SDK1: variants seen among roughly 807,000 people sequenced by gnomAD.
SDK1 encodes protein sidekick-1.
Under a neutral mutation model 245.5 loss-of-function variants are expected in SDK1, and 157 were observed. The observed-to-expected ratio is 0.64, with a 90% CI of 0.56 to 0.73. The LOEUF (loss-of-function observed/expected upper bound fraction) is 0.73, where lower values mean the gene tolerates loss of function less well. Ranked by LOEUF, SDK1 falls within the 30% of genes least tolerant of loss-of-function variation. SDK1 has a pLI of 0.00. For missense variants in SDK1, 3,583 were observed against 3,002.3 expected, an observed-to-expected ratio of 1.19 and a Z score of -4.52; for synonymous variants, 1,647 against 1,278.5, an observed-to-expected ratio of 1.29 and a Z score of -6.15.
chr7:3,574,927 G>T (rs901933035), intron 1 of SDK1, among the ~76,000 whole-genome samples: 1 of 152,072 alleles, frequency 6.6e-6, no homozygotes, highest in Non-Finnish European at 1.5e-5. Context: ...GTGAGCTGTT[G>T]TGTGGGAGCC....
At chr7:3,384,815 C>T (rs1433792088) in intron 1 of SDK1, among the ~76,000 whole-genome samples, 1 of 152,184 alleles carries the variant, frequency 6.6e-6, no homozygotes, top group Admixed American at 6.5e-5. Flanking sequence ...CATAGGTACA[C>T]ACATATATGT....
chr7:3,687,076 C>G (rs1290412224), intron 4 of SDK1, among the ~76,000 whole-genome samples: 1 of 150,504 alleles, frequency 6.6e-6, no homozygotes, highest in African/African-American at 2.4e-5. Flanking sequence ...CACACACACA[C>G]ACACACACAC....
chr7:4,092,147 C>G (rs751812067), intron 22 of SDK1, among the ~76,000 whole-genome samples: 1 of 152,192 alleles, frequency 6.6e-6, no homozygotes, highest in Non-Finnish European at 1.5e-5. Flanking sequence ...GCCCTAATAA[C>G]AGTGCCTGTC....
chr7:3,716,770 A>G (rs1218383099), intron 4 of SDK1, among the ~76,000 whole-genome samples: 6 of 150,984 alleles, frequency 4.0e-5, no homozygotes, highest in Non-Finnish European at 5.9e-5. Context: ...CCAAAAAAAA[A>G]GAAAAAAAAA....
At chr7:3,911,955 C>T (rs1355452090) in intron 5 of SDK1, among the ~76,000 whole-genome samples, 1 of 151,954 alleles carries the variant, frequency 6.6e-6, no homozygotes, top group Non-Finnish European at 1.5e-5. Context: ...TGACTCAGAG[C>T]AGAGATGAGG....
At chr7:4,191,163 G>A (rs1258208431) in intron 35 of SDK1, among the ~76,000 whole-genome samples, 1 of 150,896 alleles carries the variant, frequency 6.6e-6, no homozygotes, top group Non-Finnish European at 1.5e-5. Context: ...CCAACCCCGC[G>A]GCGGTCACAG....
chr7:3,384,982 G>T (rs1277875668), intron 1 of SDK1, among the ~76,000 whole-genome samples: 1 of 152,148 alleles, frequency 6.6e-6, no homozygotes, highest in Admixed American at 6.5e-5. Context: ...CTGTCCCCTG[G>T]CTTAAAGTGT....
chr7:3,458,981 GT>G (rs1192487908), intron 1 of SDK1, among the ~76,000 whole-genome samples: 1 of 152,060 alleles, frequency 6.6e-6, no homozygotes, highest in African/African-American at 2.4e-5. Flanking sequence ...TCCATGTAAA[GT>G]TTCCATGTAA....
chr7:3,737,316 C>T (rs1158796908), intron 4 of SDK1, among the ~76,000 whole-genome samples: 1 of 152,210 alleles, frequency 6.6e-6, no homozygotes, highest in Non-Finnish European at 1.5e-5. Context: ...TGGCTGCAGG[C>T]TGTGCTCTGC....
At chr7:4,165,580 C>G (rs948829038) in intron 32 of SDK1, among the ~76,000 whole-genome samples, 5 of 151,900 alleles carry the variant, frequency 3.3e-5, no homozygotes, top group Non-Finnish European at 7.4e-5. Flanking sequence ...ACCTCTGCCT[C>G]CCGAGTTCAG....
rs111553332 is a variant in SDK1, at chr7:3,486,674, C to T, written c.299-132406C>T. On this transcript the variant is annotated intron_variant, in intron 1 of 44. Coordinates refer to ENST00000404826, the MANE Select transcript of SDK1 (RefSeq NM_152744.4). ...TCTTCATCCCAAAGCACAAGTAAGG[C>T]GTTAAATTTCAATAGGTAGATAGAT... Among the ~76,000 whole-genome samples, 33 of 151,844 alleles carry T rather than the reference C, an allele frequency of 2.2e-4. 4 individuals carry two copies. The highest frequency in any genetic ancestry group is 7.2e-4 in the African/African-American group (30 of 41,396).
intron 1 of SDK1, among the ~76,000 whole-genome samples, chr7:3,602,179 T>C (rs1422107825): frequency 1.3e-5 from 2 of 151,940 alleles, no homozygotes; most frequent in Non-Finnish European, 2.9e-5. Context: ...TTATAATCCT[T>C]TGGGTATATA....
intron 31 of SDK1, 39 bp downstream of exon 31, chr7:4,158,590 G>C: frequency 6.9e-7 from 1 of 1,451,220 alleles, no homozygotes; most frequent in Non-Finnish European, 9.7e-7. Context: ...CCTGGCCGCT[G>C]CCCCTGGAGC....
intron 38 of SDK1, among the ~76,000 whole-genome samples, chr7:4,210,697 A>T (rs1460144739): frequency 6.6e-6 from 1 of 152,184 alleles, no homozygotes; most frequent in African/African-American, 2.4e-5. Context: ...AAAAGCCAAG[A>T]CATGCTCCAG....
chr7:3,420,432 A>G (rs1336367921), intron 1 of SDK1, among the ~76,000 whole-genome samples: 1 of 152,182 alleles, frequency 6.6e-6, no homozygotes, highest in Non-Finnish European at 1.5e-5. Context: ...AGCAATAATC[A>G]TTTTACTGTA....
chr7:3,745,657 C>A (rs554617224), intron 4 of SDK1, among the ~76,000 whole-genome samples: 2 of 152,098 alleles, frequency 1.3e-5, no homozygotes, highest in African/African-American at 2.4e-5. Context: ...GGAACTCCCT[C>A]GAGCGACCCC....
chr7:3,415,901 T>C (rs1408247251), intron 1 of SDK1, among the ~76,000 whole-genome samples: 6 of 152,116 alleles, frequency 3.9e-5, no homozygotes, highest in Admixed American at 2.6e-4. Context: ...GCAGGACTAA[T>C]GAATAAGCCA....
intron 7 of SDK1, among the ~76,000 whole-genome samples, chr7:3,957,690 T>C (rs1488121357): frequency 6.6e-6 from 1 of 152,178 alleles, no homozygotes. Context: ...GGAATATAAA[T>C]AATACTGCCT....
chr7:4,011,311 A>G (rs1049154803), intron 15 of SDK1, among the ~76,000 whole-genome samples, 198 bp downstream of exon 15: 1 of 152,226 alleles, frequency 6.6e-6, no homozygotes, highest in African/African-American at 2.4e-5. Context: ...GCCTTCCTTC[A>G]TTGCTTTGAG....
Sources: allele counts gnomAD v4.1 joint callset (sites outside exome capture counted in the v4.1 genomes callset), GRCh38; gene constraint gnomAD v4.1.1; transcripts MANE v1.5; gene names NCBI Gene and HGNC (gene_info 2026-07-23, HGNC 2026-07-21).